The following HYCC2 variants were observed in gnomAD, a reference collection of about 807,000 sequenced individuals.
HYCC2 encodes the protein hyccin PI4KA lipid kinase complex subunit 2, also known as hyccin 2.
At chr2:201,038,604 G>A in the HYCC2 span, among the ~76,000 whole-genome samples, 1 of 152,138 alleles carries the variant, frequency 6.6e-6, no homozygotes, top group Non-Finnish European at 1.5e-5. Flanking sequence ...GGACATGGAA[G>A]AAGCTGGAAA....
chr2:200,987,671 C>T, the HYCC2 span: 1 of 538,552 alleles, frequency 1.9e-6, no homozygotes, highest in Non-Finnish European at 2.9e-6. Context: ...CATGTGTGTG[C>T]ATGCTGTGCA....
At chr2:201,050,915 G>A in the HYCC2 span, among the ~76,000 whole-genome samples, 1 of 152,048 alleles carries the variant, frequency 6.6e-6, no homozygotes, top group African/African-American at 2.4e-5. Flanking sequence ...AGCCTGGGGG[G>A]ACAGAGCAAG....
At chr2:201,040,783 C>G in the HYCC2 span, among the ~76,000 whole-genome samples, 11 of 152,296 alleles carry the variant, frequency 7.2e-5, no homozygotes, top group African/African-American at 1.9e-4. Context: ...CTGTGCCCAG[C>G]CTCATAATTG....
the HYCC2 span, among the ~76,000 whole-genome samples, chr2:201,056,004 C>T: frequency 6.6e-6 from 1 of 152,004 alleles, no homozygotes; most frequent in South Asian, 2.1e-4. Context: ...CTGGCTAACA[C>T]GGTGAAACCC....
chr2:201,023,495 TTAATC>T, the HYCC2 span: 1 of 154,014 alleles, frequency 6.5e-6, no homozygotes, highest in Non-Finnish European at 1.4e-5. Flanking sequence ...CCATCTTAAA[TTAATC>T]TAATCTTTAA....
the HYCC2 span, among the ~76,000 whole-genome samples, chr2:201,002,319 G>A: frequency 6.7e-6 from 1 of 149,742 alleles, no homozygotes; most frequent in Non-Finnish European, 1.5e-5. Flanking sequence ...TGAATATGCA[G>A]TTCATAGGTA....
the HYCC2 span, among the ~76,000 whole-genome samples, chr2:201,062,887 C>T: frequency 1.3e-4 from 20 of 148,944 alleles, no homozygotes; most frequent in Non-Finnish European, 2.1e-4. Context: ...CATATATATA[C>T]GGCAACTGTT....
At chr2:201,022,084 T>G in the HYCC2 span, 1 of 1,289,720 alleles carries the variant, frequency 7.8e-7, no homozygotes, top group Middle Eastern at 2.1e-4. Context: ...CTCACTCCAG[T>G]ACACAGCAGA....
At chr2:201,056,121 G>T in the HYCC2 span, among the ~76,000 whole-genome samples, 366 of 152,126 alleles carry the variant, frequency 2.4e-3, 3 homozygotes, top group African/African-American at 8.5e-3. Context: ...ATGAACCTGG[G>T]AGGTGGAGCT....
At chr2:201,070,693 ACCACCT>A in the HYCC2 span, among the ~76,000 whole-genome samples, 49 of 151,904 alleles carry the variant, frequency 3.2e-4, no homozygotes, top group African/African-American at 1.2e-3. Context: ...TATTCAGACC[ACCACCT>A]TATTTGCACA....
chr2:201,033,087 AT>A, the HYCC2 span, among the ~76,000 whole-genome samples: 1 of 150,034 alleles, frequency 6.7e-6, no homozygotes, highest in Non-Finnish European at 1.5e-5. Flanking sequence ...CAATTGGTCC[AT>A]TTTTTTTCAA....
chr2:201,026,368 G>A, the HYCC2 span, among the ~76,000 whole-genome samples: 1 of 152,150 alleles, frequency 6.6e-6, no homozygotes, highest in Admixed American at 6.5e-5. Flanking sequence ...AATAATGGGA[G>A]ACTTTAATAC....
At chr2:201,068,858 T>A in the HYCC2 span, among the ~76,000 whole-genome samples, 2 of 151,628 alleles carry the variant, frequency 1.3e-5, no homozygotes, top group South Asian at 2.1e-4. Flanking sequence ...CAGTTCCACA[T>A]CCCAAGAAAA....
At chr2:201,045,240 G>C in the HYCC2 span, among the ~76,000 whole-genome samples, 1 of 152,064 alleles carries the variant, frequency 6.6e-6, no homozygotes, top group Non-Finnish European at 1.5e-5. Context: ...AGATGTAGCC[G>C]GATAATGCAA....
At chr2:201,057,757 T>G in the HYCC2 span, among the ~76,000 whole-genome samples, 1 of 151,878 alleles carries the variant, frequency 6.6e-6, no homozygotes, top group Non-Finnish European at 1.5e-5. Flanking sequence ...GGTTTATACA[T>G]GGTTGCATAC....
At chr2:201,030,122 A>C in the HYCC2 span, among the ~76,000 whole-genome samples, 1 of 152,124 alleles carries the variant, frequency 6.6e-6, no homozygotes, top group Non-Finnish European at 1.5e-5. Flanking sequence ...ATTTCATTGT[A>C]ATGGTGACAA....
chr2:201,048,247 A>G, the HYCC2 span, among the ~76,000 whole-genome samples: 1 of 152,180 alleles, frequency 6.6e-6, no homozygotes, highest in Non-Finnish European at 1.5e-5. Context: ...AATTATATAC[A>G]TATATCAAAC....
chr2:201,014,516 T>C, the HYCC2 span, among the ~76,000 whole-genome samples: 1 of 152,212 alleles, frequency 6.6e-6, no homozygotes, highest in Non-Finnish European at 1.5e-5. Flanking sequence ...ACTAACAATG[T>C]TTTCTTTTTT....
At chr2:201,010,196 T>A in the HYCC2 span, among the ~76,000 whole-genome samples, 1,465 of 152,178 alleles carry the variant, frequency 9.6e-3, 28 homozygotes, top group African/African-American at 0.033. Context: ...CACAACTTAA[T>A]TAAAATCTAT....
Sources: allele counts gnomAD v4.1 joint callset (sites outside exome capture counted in the v4.1 genomes callset), GRCh38; gene constraint gnomAD v4.1.1; transcripts MANE v1.5; gene names NCBI Gene and HGNC (gene_info 2026-07-23, HGNC 2026-07-21).